The following FBXL7 variants were observed in gnomAD, a reference collection of about 807,000 sequenced individuals.
FBXL7 encodes F-box/LRR-repeat protein 7.
A neutral mutation model predicts 38.3 loss-of-function variants in FBXL7; 12 were observed. The ratio of observed to expected loss-of-function variants is 0.31; its 90% CI spans 0.20 to 0.51. The LOEUF (loss-of-function observed/expected upper bound fraction) is 0.51, where lower values mean the gene tolerates loss of function less well. Ranked by LOEUF, FBXL7 falls within the 20% of genes least tolerant of loss-of-function variation. The pLI, the probability that FBXL7 is intolerant of heterozygous loss-of-function variation, is 0.98. For synonymous variants in FBXL7, 297 were observed against 300.9 expected, an observed-to-expected ratio of 0.99 and a Z score of 0.13; for missense variants, 567 against 676.4, an observed-to-expected ratio of 0.84 and a Z score of 1.79.
chr5:15,685,766 A>G (rs1381587662), intron 2 of FBXL7, among the ~76,000 whole-genome samples: 1 of 152,194 alleles, frequency 6.6e-6, no homozygotes, highest in African/African-American at 2.4e-5. Context: ...GTTGTCAGTT[A>G]CCAGGATTCA....
chr5:15,637,117 A>G (rs1741213013), intron 2 of FBXL7, among the ~76,000 whole-genome samples: 1 of 152,238 alleles, frequency 6.6e-6, no homozygotes, highest in Admixed American at 6.5e-5. Flanking sequence ...TTCTTTGCTC[A>G]TGGTTTTATC....
chr5:15,906,127 C>T (rs1338558586), intron 2 of FBXL7, among the ~76,000 whole-genome samples: 2 of 151,814 alleles, frequency 1.3e-5, no homozygotes, highest in Admixed American at 6.6e-5. Context: ...TCATCGCCAA[C>T]ATATCAAATG....
intron 1 of FBXL7, among the ~76,000 whole-genome samples, chr5:15,540,608 A>G (rs1488727356): frequency 1.3e-5 from 2 of 152,206 alleles, no homozygotes; most frequent in East Asian, 1.9e-4. Flanking sequence ...ATGCTATAAC[A>G]AAGTACCATA....
intron 2 of FBXL7, among the ~76,000 whole-genome samples, chr5:15,832,184 C>G (rs1738475964): frequency 6.6e-6 from 1 of 152,178 alleles, no homozygotes; most frequent in Non-Finnish European, 1.5e-5. Flanking sequence ...TTTTGAAGCT[C>G]TCCTTGTATC....
chr5:15,781,597 A>G (rs748607900), intron 2 of FBXL7, among the ~76,000 whole-genome samples: 3 of 152,184 alleles, frequency 2.0e-5, no homozygotes, highest in Non-Finnish European at 4.4e-5. Context: ...AGATTTCTTT[A>G]GAAGAGTTTC....
intron 2 of FBXL7, among the ~76,000 whole-genome samples, chr5:15,727,819 C>G (rs1247012759): frequency 6.6e-6 from 1 of 152,072 alleles, no homozygotes; most frequent in Non-Finnish European, 1.5e-5. Context: ...CTGATTCTTT[C>G]TCTTTGTCAT....
At chr5:15,795,241 AATG>A (rs1737385056) in intron 2 of FBXL7, among the ~76,000 whole-genome samples, 1 of 152,214 alleles carries the variant, frequency 6.6e-6, no homozygotes, top group South Asian at 2.1e-4. Context: ...ACCTCTGAGA[AATG>A]ATGGTGGTTA....
intron 2 of FBXL7, among the ~76,000 whole-genome samples, chr5:15,693,007 A>G (rs912404466): frequency 1.3e-5 from 2 of 152,180 alleles, no homozygotes; most frequent in African/African-American, 4.8e-5. Context: ...CTTAAACAAA[A>G]CAATGAGTTC....
At chr5:15,571,501 C>T (rs192929411) in intron 1 of FBXL7, among the ~76,000 whole-genome samples, 2 of 152,252 alleles carry the variant, frequency 1.3e-5, no homozygotes, top group East Asian at 3.9e-4. Context: ...GGCTTTTCCT[C>T]TTTACAAATG....
chr5:15,575,458 G>T (rs896025164), intron 1 of FBXL7, among the ~76,000 whole-genome samples: 1 of 152,220 alleles, frequency 6.6e-6, no homozygotes, highest in Admixed American at 6.5e-5. Flanking sequence ...GGTTATAATA[G>T]CTTTCTGTTT....
At chr5:15,732,915 A>G (rs1735629314) in intron 2 of FBXL7, among the ~76,000 whole-genome samples, 1 of 152,132 alleles carries the variant, frequency 6.6e-6, no homozygotes, top group Non-Finnish European at 1.5e-5. Context: ...TTCATTTAGT[A>G]TTGTATTATA....
At chr5:15,538,545 T>G (rs2126403570) in intron 1 of FBXL7, among the ~76,000 whole-genome samples, 1 of 152,286 alleles carries the variant, frequency 6.6e-6, no homozygotes, top group African/African-American at 2.4e-5. Flanking sequence ...TTGCTAAATC[T>G]TAGGACAGAA....
intron 2 of FBXL7, among the ~76,000 whole-genome samples, chr5:15,836,722 C>T (rs1738602063): frequency 6.6e-6 from 1 of 152,050 alleles, no homozygotes; most frequent in Non-Finnish European, 1.5e-5. Context: ...CAGTATGCCC[C>T]ATTTAGTCAG....
chr5:15,550,939 G>C (rs1738048961), intron 1 of FBXL7, among the ~76,000 whole-genome samples: 3 of 152,200 alleles, frequency 2.0e-5, no homozygotes, highest in Non-Finnish European at 2.9e-5. Flanking sequence ...TTAAACAGTA[G>C]CATATGAACA....
chr5:15,855,769 G>A (rs1219006822), intron 2 of FBXL7, among the ~76,000 whole-genome samples: 2 of 152,120 alleles, frequency 1.3e-5, no homozygotes, highest in Non-Finnish European at 2.9e-5. Context: ...GAATTTAAAT[G>A]TACTTTCTAA....
At chr5:15,677,901 C>T (rs1742715721) in intron 2 of FBXL7, among the ~76,000 whole-genome samples, 1 of 152,074 alleles carries the variant, frequency 6.6e-6, no homozygotes, top group Admixed American at 6.6e-5. Context: ...AGCTTCATGT[C>T]CTAAAAAAGG....
At chr5:15,647,910 C>T (rs1350703442) in intron 2 of FBXL7, among the ~76,000 whole-genome samples, 3 of 152,250 alleles carry the variant, frequency 2.0e-5, no homozygotes, top group Non-Finnish European at 4.4e-5. Context: ...GAAACTGGAA[C>T]ATCTGTTACT....
At chr5:15,541,429 ATATGTGTGTGTGTG>A (rs1737743001) in intron 1 of FBXL7, among the ~76,000 whole-genome samples, 4 of 93,908 alleles carry the variant, frequency 4.3e-5, no homozygotes, top group Non-Finnish European at 6.0e-5. Flanking sequence ...CATATAGTAT[ATATGTGTGTGTGTG>A]TATATATATA....
chr5:15,560,731 A>G (rs1012932026), intron 1 of FBXL7, among the ~76,000 whole-genome samples: 3 of 152,116 alleles, frequency 2.0e-5, no homozygotes, highest in African/African-American at 7.2e-5. Context: ...ATTTCATATT[A>G]CCAGTCTCTT....
Sources: allele counts gnomAD v4.1 joint callset (sites outside exome capture counted in the v4.1 genomes callset), GRCh38; gene constraint gnomAD v4.1.1; transcripts MANE v1.5; gene names NCBI Gene and HGNC (gene_info 2026-07-23, HGNC 2026-07-21).